NEDD9: variants seen among roughly 807,000 people sequenced by gnomAD.
NEDD9 encodes the protein neural precursor cell expressed, developmentally down-regulated 9, also known as enhancer of filamentation 1.
NEDD9 carries 26 observed loss-of-function variants against 76.6 expected under a neutral mutation model. That is an observed-to-expected ratio of 0.34 (90% CI 0.25 to 0.47). The LOEUF (loss-of-function observed/expected upper bound fraction) is 0.47, where lower values mean the gene tolerates loss of function less well. Ranked by LOEUF, NEDD9 falls within the 20% of genes least tolerant of loss-of-function variation. The pLI is 1.00. For missense variants in NEDD9, 937 were observed against 1,058.5 expected (o/e 0.89, Z 1.59); for synonymous variants, 392 against 414.2 (o/e 0.95, Z 0.65).
chr6:11,272,483 T>C (rs1581992596), intron 3 of NEDD9, among the ~76,000 whole-genome samples: 3 of 152,336 alleles, frequency 2.0e-5, no homozygotes, highest in African/African-American at 2.4e-5. Flanking sequence ...TTCTCTTTCA[T>C]TGCAATGTTT....
intron 3 of NEDD9, among the ~76,000 whole-genome samples, chr6:11,294,222 T>C (rs1162625763): frequency 1.3e-5 from 2 of 152,190 alleles, no homozygotes; most frequent in African/African-American, 2.4e-5. Context: ...CATATGATAA[T>C]TGTATTTTTA....
rs1758106560 is a variant in NEDD9 at position 11,190,418 on chromosome 6, T to C, written c.1451A>G (p.Lys484Arg). The change falls in exon 5 of 7, where the codon AAG (lysine) becomes AGG (arginine). Residue 484 changes from lysine (K) to arginine (R), a missense_variant. By Grantham distance (26) the Lys-to-Arg change is conservative. Coordinates refer to ENST00000379446, the MANE Select transcript of NEDD9 (RefSeq NM_006403.4). The surrounding 1 kb of genome is among the most constrained non-coding windows in gnomAD (Gnocchi z 5.8). The stretch of plus-strand genomic sequence containing the variant: ...AACTCGTTGCAGCTCCCGCTTCATC[T>C]TGTTGTGGAGGATGAGTTCCGGGAG... ...ACLPELILHN[K>R]MKRELQRVED... 1 of 1,614,060 alleles carries C rather than the reference T, an allele frequency of 6.2e-7. No homozygotes were observed. Among genetic ancestry groups the C allele is most frequent in the African/African-American group, 1.3e-5 (1 of 74,914 alleles).
At chr6:11,273,594 G>A (rs1200716629) in intron 3 of NEDD9, among the ~76,000 whole-genome samples, 3 of 152,126 alleles carry the variant, frequency 2.0e-5, no homozygotes, top group East Asian at 1.9e-4. Context: ...CTCCCTTTCC[G>A]GCCGGCAGAT....
chr6:11,359,743 C>T (rs535313255), intron 1 of NEDD9, among the ~76,000 whole-genome samples: 1 of 152,290 alleles, frequency 6.6e-6, no homozygotes, highest in South Asian at 2.1e-4. Context: ...TCCAAGGAAA[C>T]CCATCCTATA....
intron 1 of NEDD9, among the ~76,000 whole-genome samples, chr6:11,368,842 T>C (rs1320712997): frequency 1.3e-5 from 2 of 152,216 alleles, no homozygotes; most frequent in Non-Finnish European, 2.9e-5. Flanking sequence ...TGAAAACTCA[T>C]TCCCTCTCCT....
chr6:11,278,974 C>A (rs1409828478), intron 3 of NEDD9, among the ~76,000 whole-genome samples: 1 of 151,686 alleles, frequency 6.6e-6, no homozygotes, highest in Non-Finnish European at 1.5e-5. Context: ...CATTTAATGT[C>A]TGGGCAAACT....
intron 2 of NEDD9, among the ~76,000 whole-genome samples, chr6:11,321,049 C>CAG (rs770960027): frequency 7.1e-6 from 1 of 141,798 alleles, no homozygotes; most frequent in East Asian, 2.1e-4. Context: ...TTAACCATGA[C>CAG]AGAGAGAGAG....
chr6:11,285,710 C>T (rs747322899), intron 3 of NEDD9, among the ~76,000 whole-genome samples: 10 of 152,160 alleles, frequency 6.6e-5, no homozygotes, highest in Non-Finnish European at 1.5e-4. Flanking sequence ...GCCTACACAC[C>T]TATATGGACA....
chr6:11,297,406 G>A (rs1230369595), intron 3 of NEDD9, among the ~76,000 whole-genome samples: 1 of 152,140 alleles, frequency 6.6e-6, no homozygotes, highest in Non-Finnish European at 1.5e-5. Flanking sequence ...CTTGTAAGGG[G>A]TTTACTTTTA....
At chr6:11,269,747 C>T (rs1760266496) in intron 3 of NEDD9, among the ~76,000 whole-genome samples, 1 of 152,080 alleles carries the variant, frequency 6.6e-6, no homozygotes, top group Admixed American at 6.5e-5. Context: ...AGGTTAAATA[C>T]CCAAGGGTGT....
At chr6:11,365,567 T>C (rs1372716741) in intron 1 of NEDD9, among the ~76,000 whole-genome samples, 4 of 152,306 alleles carry the variant, frequency 2.6e-5, no homozygotes, top group South Asian at 2.1e-4. Flanking sequence ...GTTACATTAA[T>C]TGAAATCAAC....
At chr6:11,337,497 G>A (rs1762186703) in intron 1 of NEDD9, among the ~76,000 whole-genome samples, 1 of 152,166 alleles carries the variant, frequency 6.6e-6, no homozygotes, top group South Asian at 2.1e-4. Flanking sequence ...TGTGATGTTA[G>A]GATGGCTACA....
chr6:11,343,225 C>T (rs1246754239), intron 1 of NEDD9, among the ~76,000 whole-genome samples: 2 of 151,930 alleles, frequency 1.3e-5, no homozygotes, highest in African/African-American at 2.4e-5. Context: ...GTCAGGAGTT[C>T]GAGACCAGCC....
At chr6:11,304,647 T>C (rs950405468) in intron 3 of NEDD9, among the ~76,000 whole-genome samples, 1 of 152,226 alleles carries the variant, frequency 6.6e-6, no homozygotes, top group African/African-American at 2.4e-5. Flanking sequence ...TGAGTTCATG[T>C]CCTTTGTAGG....
chr6:11,203,312 G>C (rs1480863609), intron 2 of NEDD9, among the ~76,000 whole-genome samples: 1 of 152,136 alleles, frequency 6.6e-6, no homozygotes, highest in Non-Finnish European at 1.5e-5. Flanking sequence ...TGGCTCTTTT[G>C]ATGTCCAAAT....
intron 3 of NEDD9, among the ~76,000 whole-genome samples, chr6:11,290,665 C>T (rs1264338245): frequency 6.6e-6 from 1 of 152,118 alleles, no homozygotes; most frequent in Non-Finnish European, 1.5e-5. Context: ...ACCAAATGAG[C>T]CCTTTTATCC....
At chr6:11,225,320 A>G (rs1285663265) in intron 1 of NEDD9, among the ~76,000 whole-genome samples, 1 of 152,122 alleles carries the variant, frequency 6.6e-6, no homozygotes, top group Non-Finnish European at 1.5e-5. Context: ...TATCAGGGGG[A>G]ATTCTAATTC....
intron 2 of NEDD9, among the ~76,000 whole-genome samples, chr6:11,308,116 C>T (rs1761245845): frequency 6.6e-6 from 1 of 152,014 alleles, no homozygotes; most frequent in African/African-American, 2.4e-5. Context: ...AGCAGATATT[C>T]GTAAAAGGCC....
At chr6:11,225,723 G>A (rs1393908409) in intron 1 of NEDD9, among the ~76,000 whole-genome samples, 8 of 151,366 alleles carry the variant, frequency 5.3e-5, no homozygotes, top group South Asian at 4.2e-4. Context: ...TGATGGTCTG[G>A]ATCTCCTGAC....
Sources: allele counts gnomAD v4.1 joint callset (sites outside exome capture counted in the v4.1 genomes callset), GRCh38; gene constraint gnomAD v4.1.1; non-coding constraint Gnocchi (gnomAD v3.1); transcripts MANE v1.5; gene names NCBI Gene and HGNC (gene_info 2026-07-23, HGNC 2026-07-21).